The following PCDHA1 variants were observed in gnomAD, a reference collection of about 807,000 sequenced individuals.
PCDHA1 encodes the protein protocadherin alpha 1.
PCDHA1 carries 42 observed loss-of-function variants against 61.3 expected under a neutral mutation model. The observed-to-expected ratio is 0.69, with a 90% CI of 0.54 to 0.89. The LOEUF is 0.89. Among genes scored for constraint, PCDHA1 ranks in the 40% least tolerant of loss-of-function variants. The pLI is 0.00. For missense variants in PCDHA1, 1,256 were observed against 1,235.3 expected (o/e 1.02, Z -0.25); for synonymous variants, 610 against 553.8 (o/e 1.10, Z -1.43).
At chr5:140,875,905 T>A (rs1554168057) in intron 1 of PCDHA1, 1 of 1,614,222 alleles carries the variant, frequency 6.2e-7, no homozygotes, top group Admixed American at 1.7e-5. Flanking sequence ...TGTTTCTGAA[T>A]CTGCGCCTCT....
rs371246236 is a variant in PCDHA1 at position 140,876,855 on chromosome 5, A to G, written c.2394+88171A>G. ...CTGCGTTCGCGCAGCCCGAGTACACAGTGTTCGTGAAGGAGAACAACCCGC... is the reference window on the plus strand; with the variant it reads ...CTGCGTTCGCGCAGCCCGAGTACACGGTGTTCGTGAAGGAGAACAACCCGC... On this transcript the variant is annotated intron_variant, in intron 1 of 3. Coordinates refer to ENST00000504120, the MANE Select transcript of PCDHA1 (RefSeq NM_018900.4). The G allele has an allele frequency of 2.0e-4, 322 of 1,614,052 alleles. 4 individuals are homozygous for G. The East Asian group carries it at 3.4e-3, about 17-fold the overall frequency.
chr5:140,852,390 G>A (rs1418398381), intron 1 of PCDHA1: 1 of 186,076 alleles, frequency 5.4e-6, no homozygotes, highest in African/African-American at 2.4e-5. Context: ...CAATTCTCCT[G>A]CCTCAGCCTC....
intron 1 of PCDHA1, chr5:140,926,753 G>C (rs1431209513): frequency 3.5e-5 from 44 of 1,268,526 alleles, no homozygotes; most frequent in Non-Finnish European, 4.4e-5. Context: ...GTCGGCGGTC[G>C]CTGAGTATCC....
At chr5:140,997,911 C>T (rs2097790216) in intron 3 of PCDHA1, among the ~76,000 whole-genome samples, 1 of 152,120 alleles carries the variant, frequency 6.6e-6, no homozygotes, top group East Asian at 1.9e-4. Context: ...AGTAGAATTA[C>T]AGAATCATAG....
At chr5:140,795,986 T>A in intron 1 of PCDHA1, 1 of 1,614,164 alleles carries the variant, frequency 6.2e-7, no homozygotes, top group Non-Finnish European at 8.5e-7. Flanking sequence ...TTAAAACTTG[T>A]GGACATCAAT....
intron 1 of PCDHA1, chr5:140,802,710 T>C (rs1554122299): frequency 1.9e-6 from 3 of 1,612,374 alleles, no homozygotes; most frequent in Non-Finnish European, 2.5e-6. Context: ...GCGCGCGCTG[T>C]CGAGCTACGT....
At chr5:140,837,768 C>T (rs1391486118) in intron 1 of PCDHA1, among the ~76,000 whole-genome samples, 1 of 151,702 alleles carries the variant, frequency 6.6e-6, no homozygotes, top group Non-Finnish European at 1.5e-5. Flanking sequence ...CCTGAAAGTC[C>T]TGGGCTCACA....
At chr5:140,986,861 C>T (rs1007036038) in intron 3 of PCDHA1, among the ~76,000 whole-genome samples, 12 of 152,086 alleles carry the variant, frequency 7.9e-5, no homozygotes, top group Non-Finnish European at 1.0e-4. Flanking sequence ...CAACAATACC[C>T]GGAAACTTGT....
At chr5:140,821,582 C>T in intron 1 of PCDHA1, 1 of 622,440 alleles carries the variant, frequency 1.6e-6, no homozygotes, top group Non-Finnish European at 2.6e-6. Flanking sequence ...AGGTTTTTCT[C>T]CCTTCCCAGC....
At chr5:140,917,374 C>T (rs1378508006) in intron 1 of PCDHA1, among the ~76,000 whole-genome samples, 1 of 151,778 alleles carries the variant, frequency 6.6e-6, no homozygotes, top group East Asian at 1.9e-4. Flanking sequence ...CTTGCTCCAC[C>T]TCAATAGTCT....
intron 1 of PCDHA1, chr5:140,829,485 A>G (rs2150168670): frequency 1.9e-6 from 3 of 1,613,760 alleles, no homozygotes; most frequent in Non-Finnish European, 1.7e-6. Context: ...GTGTTCGTGA[A>G]GGAGAACAAC....
intron 1 of PCDHA1, among the ~76,000 whole-genome samples, chr5:140,948,089 G>A (rs1348120900): frequency 6.6e-6 from 1 of 151,454 alleles, no homozygotes; most frequent in African/African-American, 2.4e-5. Flanking sequence ...CTATTGATAT[G>A]AGCATATGAT....
At position 140,786,510 on chromosome 5, in the gene PCDHA1, C is replaced by T. The variant is rs368372845; in HGVS notation, c.220C>T (p.Leu74Phe). 1 of 1,613,912 alleles carries T rather than the reference C, an allele frequency of 6.2e-7. No individual in the cohort carries two copies. Among genetic ancestry groups the T allele is most frequent in the Non-Finnish European group, 8.5e-7 (1 of 1,180,052 alleles). ...FRVASKTHRDLLEVNLQNGIL... is the reference protein window; with the variant it reads ...FRVASKTHRDFLEVNLQNGIL... ...GGTGGCGTCCAAAACACACAGGGAC[C>T]TTCTGGAGGTAAATCTGCAGAATGG... The change falls in exon 1 of 4, where the codon CTT becomes TTT. Residue 74 changes from leucine to phenylalanine, a missense_variant. Physicochemically the swap from Leu to Phe is conservative, Grantham distance 22 (BLOSUM62 0). Transcript: ENST00000504120.
chr5:140,857,428 G>T (rs782142394), intron 1 of PCDHA1: 3 of 1,598,342 alleles, frequency 1.9e-6, no homozygotes, highest in Non-Finnish European at 2.6e-6. Context: ...CCGAGTACAC[G>T]GTGTTCGTGA....
chr5:140,862,432 C>T (rs746687465), intron 1 of PCDHA1: 1 of 355,106 alleles, frequency 2.8e-6, no homozygotes, highest in Non-Finnish European at 5.6e-6. Context: ...AGAAACTATT[C>T]GTTGGTACTC....
chr5:140,805,037 A>G, intron 1 of PCDHA1: 1 of 1,585,878 alleles, frequency 6.3e-7, no homozygotes, highest in South Asian at 1.1e-5. Flanking sequence ...TAATAGAGTC[A>G]GCCAAAGTAC....
chr5:140,842,984 G>T (rs2150349206), intron 1 of PCDHA1: 2 of 1,595,034 alleles, frequency 1.3e-6, no homozygotes, highest in Non-Finnish European at 8.6e-7. Flanking sequence ...GCAGGTGTTC[G>T]TGCTGGACGA....
chr5:140,945,614 A>G lies in PCDHA1; in HGVS notation c.2395-33335A>G, dbSNP rs2093816394. Among the ~76,000 whole-genome samples the G allele has an allele frequency of 2.0e-5, 3 of 152,278 alleles. No homozygotes were observed. The South Asian group carries it at 6.2e-4, about 32-fold the overall frequency. ...TCAAAGCTATAATAATCAAAACAGC[A>G]TGGTACTGGCATAAAAGACATGTAG... On this transcript the variant is annotated intron_variant, in intron 1 of 3. Coordinates refer to ENST00000504120, the MANE Select transcript of PCDHA1 (RefSeq NM_018900.4).
chr5:140,874,547 G>C (rs2054980934), intron 1 of PCDHA1, among the ~76,000 whole-genome samples: 1 of 152,190 alleles, frequency 6.6e-6, no homozygotes, highest in Non-Finnish European at 1.5e-5. Context: ...AACCCTTTAA[G>C]AGATCTTTCG....
Sources: allele counts gnomAD v4.1 joint callset (sites outside exome capture counted in the v4.1 genomes callset), GRCh38; gene constraint gnomAD v4.1.1; transcripts MANE v1.5; gene names NCBI Gene and HGNC (gene_info 2026-07-23, HGNC 2026-07-21).